NHEJ1: variants seen among roughly 807,000 people sequenced by gnomAD.
NHEJ1 encodes non-homologous end joining factor 1.
A neutral mutation model predicts 39.4 loss-of-function variants in NHEJ1; 22 were observed. The ratio of observed to expected loss-of-function variants is 0.56; its 90% CI spans 0.40 to 0.80. The LOEUF is 0.80. NHEJ1 is among the 30% of genes least tolerant of loss of function. NHEJ1 has a pLI of 0.00. For missense variants in NHEJ1, 329 were observed against 357.1 expected, an observed-to-expected ratio of 0.92 and a Z score of 0.63; for synonymous variants, 154 against 135.6, an observed-to-expected ratio of 1.14 and a Z score of -0.94.
At chr2:219,121,363 T>C (rs1255780770) in intron 5 of NHEJ1, among the ~76,000 whole-genome samples, 1 of 152,244 alleles carries the variant, frequency 6.6e-6, no homozygotes, top group African/African-American at 2.4e-5. Context: ...AGCTATTTAC[T>C]ATCCTATATG....
intron 5 of NHEJ1, among the ~76,000 whole-genome samples, chr2:219,134,270 T>C (rs1028589892): frequency 3.9e-5 from 6 of 152,210 alleles, no homozygotes; most frequent in African/African-American, 1.4e-4. Context: ...AAGACAAATA[T>C]GGGTAAATCA....
intron 5 of NHEJ1, among the ~76,000 whole-genome samples, chr2:219,101,249 G>C (rs1949257432): frequency 6.6e-6 from 1 of 151,832 alleles, no homozygotes; most frequent in African/African-American, 2.4e-5. Flanking sequence ...TGAGTAGCTG[G>C]GATTACAGGC....
At chr2:219,149,541 G>A (rs879940859) in intron 3 of NHEJ1, among the ~76,000 whole-genome samples, 3 of 152,098 alleles carry the variant, frequency 2.0e-5, no homozygotes, top group Admixed American at 6.6e-5. Context: ...GCTTGAATCC[G>A]GGAGGCAGAG....
intron 5 of NHEJ1, among the ~76,000 whole-genome samples, chr2:219,137,595 A>AAAC (rs1553547572): frequency 1.8e-4 from 15 of 82,760 alleles, no homozygotes; most frequent in Non-Finnish European, 2.7e-4. Context: ...AAAAAAAACA[A>AAAC]AAAAAACTGA....
At chr2:219,132,612 C>G (rs1466726807) in intron 5 of NHEJ1, among the ~76,000 whole-genome samples, 3 of 152,158 alleles carry the variant, frequency 2.0e-5, no homozygotes, top group Admixed American at 2.0e-4. Flanking sequence ...AAAGGATTCC[C>G]TCAAACCATC....
At chr2:219,140,486 G>A (rs756461522) in intron 5 of NHEJ1, among the ~76,000 whole-genome samples, 1 of 152,214 alleles carries the variant, frequency 6.6e-6, no homozygotes, top group Non-Finnish European at 1.5e-5. Context: ...CTCCAGTATG[G>A]TAGCAGCAGA....
chr2:219,147,568 C>G, intron 4 of NHEJ1, 89 bp downstream of exon 4: 5 of 1,542,352 alleles, frequency 3.2e-6, no homozygotes, highest in Non-Finnish European at 4.5e-6. Flanking sequence ...GGAGGCACTT[C>G]TCTAATGCAA....
At chr2:219,159,566 T>TACATATGC (rs1949902347) in intron 1 of NHEJ1, among the ~76,000 whole-genome samples, 1 of 17,660 alleles carries the variant, frequency 5.7e-5, no homozygotes. Flanking sequence ...TATATATGCA[T>TACATATGC]ATATATATGC....
At chr2:219,080,555 A>T (rs1217245267) in intron 5 of NHEJ1, among the ~76,000 whole-genome samples, 1 of 136,272 alleles carries the variant, frequency 7.3e-6, no homozygotes, top group African/African-American at 2.7e-5. Context: ...ATAAAAATAT[A>T]TATATATATA....
At chr2:219,120,738 G>A (rs993732134) in intron 5 of NHEJ1, among the ~76,000 whole-genome samples, 52 of 152,142 alleles carry the variant, frequency 3.4e-4, no homozygotes, top group Admixed American at 2.6e-4. Flanking sequence ...CAAGTATACT[G>A]CCATTTGTAG....
intron 5 of NHEJ1, among the ~76,000 whole-genome samples, chr2:219,105,852 T>A: frequency 6.6e-6 from 1 of 152,232 alleles, no homozygotes; most frequent in East Asian, 1.9e-4. Flanking sequence ...ATATTTGCTC[T>A]CATTTCGTTC....
In NHEJ1 at chr2:219,159,549, A is replaced by G. The variant is rs199721871; in HGVS notation, c.-1+1171T>C. On this transcript the variant is annotated intron_variant, in intron 1 of 7. Transcript: ENST00000356853. ...TGCATATATATATGCATATATATATATGCATATATATATGCATATATATAT... is the reference window on the plus strand; with the variant it reads ...TGCATATATATATGCATATATATATGTGCATATATATATGCATATATATAT... 2.1e-3 allele frequency among the ~76,000 whole-genome samples: 30 copies of G among 14,468 alleles called. 6 individuals carry two copies. The highest frequency in any genetic ancestry group is 6.9e-3 in the Admixed American group (10 of 1,444). 9.5% of individuals were successfully genotyped at this position (14,468 alleles called of 152,430 possible).
rs944822705 is a variant in NHEJ1 at position 219,111,725 on chromosome 2, C to T, written c.589-33519G>A. Among the ~76,000 whole-genome samples, 1 of 151,408 alleles carries T rather than the reference C, an allele frequency of 6.6e-6. No homozygotes were observed. Among genetic ancestry groups the T allele is most frequent in the Non-Finnish European group, 1.5e-5 (1 of 67,904 alleles). ...GGAAAGCACACACAACACAACACAC[C>T]AGGGCAGCTGCAGAAAACAACTGCT... On this transcript the variant is annotated intron_variant, in intron 5 of 7. Transcript: ENST00000356853. This position sits in a 1 kb window ranked among gnomAD's most constrained non-coding sequence, Gnocchi z 4.1.
At chr2:219,088,607 T>C (rs1448860157) in intron 5 of NHEJ1, among the ~76,000 whole-genome samples, 2 of 152,210 alleles carry the variant, frequency 1.3e-5, no homozygotes, top group Non-Finnish European at 2.9e-5. Context: ...AATGATCATA[T>C]TAGAAGTCAG....
chr2:219,113,190 T>C (rs1167843556), intron 5 of NHEJ1, among the ~76,000 whole-genome samples: 1 of 152,206 alleles, frequency 6.6e-6, no homozygotes, highest in Non-Finnish European at 1.5e-5. Flanking sequence ...TATTACAGTT[T>C]ATATTGTTAA....
At chr2:219,145,715 C>T (rs1000158890) in intron 5 of NHEJ1, among the ~76,000 whole-genome samples, 1 of 151,996 alleles carries the variant, frequency 6.6e-6, no homozygotes, top group Admixed American at 6.6e-5. Flanking sequence ...GGGTGGTCAC[C>T]TGAGGTCGGG....
rs556457402 is a variant in NHEJ1 at position 219,097,594 on chromosome 2, A to G, written c.589-19388T>C. The stretch of plus-strand genomic sequence containing the variant: ...CTCCGCTATGTCTGGCTCAACTCCA[A>G]GATTTTTAACCTGAGCAAGTCTGAA... On this transcript the variant is annotated intron_variant, in intron 5 of 7. Transcript: ENST00000356853. 5.3e-5 allele frequency among the ~76,000 whole-genome samples: 8 copies of G among 152,274 alleles called. No homozygotes were observed. In the South Asian group the frequency reaches 1.5e-3, roughly 28 times the overall value.
intron 5 of NHEJ1, among the ~76,000 whole-genome samples, chr2:219,119,471 T>A (rs1194698331): frequency 6.6e-6 from 1 of 151,986 alleles, no homozygotes; most frequent in Non-Finnish European, 1.5e-5. Flanking sequence ...CTAGAAGACA[T>A]TAAGCCCACA....
rs1175140279 is a variant in NHEJ1 at position 219,070,042 on chromosome 2, C to T, written c.*6339G>A. On this transcript the variant is annotated 3_prime_UTR_variant, in exon 8 of 8. Coordinates refer to ENST00000356853, the MANE Select transcript of NHEJ1 (RefSeq NM_024782.3). The stretch of plus-strand genomic sequence containing the variant: ...TCAAATTATATACTTATTGACTGCA[C>T]TGAGTGCTTATTCACTATCACCACC... 2.0e-5 allele frequency among the ~76,000 whole-genome samples: 3 copies of T among 152,204 alleles called. No homozygotes were observed. Among genetic ancestry groups the T allele is most frequent in the Admixed American group, 2.0e-4 (3 of 15,288 alleles).
Sources: gnomAD v4.1 joint callset for allele counts (sites outside exome capture counted in the v4.1 genomes callset) on GRCh38, gnomAD v4.1.1 for gene constraint, Gnocchi (gnomAD v3.1) non-coding constraint, MANE v1.5 for transcripts, NCBI Gene and HGNC (gene_info 2026-07-23, HGNC 2026-07-21) for gene names.